The following NCK2 variants were observed in gnomAD, a reference collection of about 807,000 sequenced individuals.
NCK2 encodes NCK adaptor protein 2, also known as cytoplasmic protein NCK2.
Under a neutral mutation model 33.9 loss-of-function variants are expected in NCK2, and 16 were observed. The observed-to-expected ratio is 0.47, with a 90% CI of 0.32 to 0.72. The LOEUF is 0.72. Among genes scored for constraint, NCK2 ranks in the 30% least tolerant of loss-of-function variants. NCK2 has a pLI of 0.03. For missense variants in NCK2, 418 were observed against 537.3 expected, an observed-to-expected ratio of 0.78 and a Z score of 2.19; for synonymous variants, 273 against 239.9, an observed-to-expected ratio of 1.14 and a Z score of -1.27.
intron 1 of NCK2, among the ~76,000 whole-genome samples, chr2:105,749,938 G>A (rs1214759575): frequency 2.6e-5 from 4 of 151,940 alleles, no homozygotes; most frequent in Non-Finnish European, 5.9e-5. Flanking sequence ...GCTGAGTCAC[G>A]CGAATTGCTT....
chr2:105,795,173 A>G (rs1396237938), intron 1 of NCK2, among the ~76,000 whole-genome samples: 2 of 152,252 alleles, frequency 1.3e-5, no homozygotes, highest in African/African-American at 4.8e-5. Context: ...CCAATCACCC[A>G]AAGTCCAGGG....
Position 105,881,401 on chromosome 2 carries a change from C to G in NCK2, c.300C>G (p.Pro100=), listed in dbSNP as rs1225646166. 1.2e-6 allele frequency: 2 copies of G among 1,612,282 alleles called. No individual in the cohort carries two copies. The highest frequency in any genetic ancestry group is 1.3e-5 in the African/African-American group (1 of 74,936). ...SPTPSTDAEY[P]ANGSGADRIY... ...CGCCCAGCACGGACGCCGAGTACCC[C>G]GCCAATGGCAGCGGCGCCGACCGCA... The change falls in exon 4 of 5, where the codon CCC becomes CCG. Residue 100 remains proline, a synonymous_variant. Coordinates refer to ENST00000233154, the MANE Select transcript of NCK2 (RefSeq NM_003581.5).
chr2:105,866,066 C>T (rs1046539661), intron 3 of NCK2, among the ~76,000 whole-genome samples: 19 of 152,108 alleles, frequency 1.2e-4, no homozygotes, highest in Admixed American at 4.6e-4. Context: ...AGGCATGCGC[C>T]GCCACACCCA....
chr2:105,879,666 C>T (rs1327328304), intron 3 of NCK2, among the ~76,000 whole-genome samples: 1 of 152,258 alleles, frequency 6.6e-6, no homozygotes, highest in Non-Finnish European at 1.5e-5. Context: ...TGCCTCCTGG[C>T]GCCGCGTGGG....
intron 2 of NCK2, among the ~76,000 whole-genome samples, chr2:105,818,604 C>A (rs7557976): frequency 0.28 from 43,192 of 151,972 alleles, 6,946 homozygotes; most frequent in South Asian, 0.39. Context: ...AAAGCATAAC[C>A]TAAATTAGTT....
intron 2 of NCK2, among the ~76,000 whole-genome samples, chr2:105,833,732 G>A (rs909918172): frequency 1.3e-5 from 2 of 151,754 alleles, no homozygotes; most frequent in Non-Finnish European, 2.9e-5. Context: ...TTTGGGTTTG[G>A]TTTGTTCTCA....
chr2:105,876,013 G>C (rs894140021), intron 3 of NCK2, among the ~76,000 whole-genome samples: 2 of 151,718 alleles, frequency 1.3e-5, no homozygotes, highest in Non-Finnish European at 2.9e-5. Flanking sequence ...CAAAGATATA[G>C]CAGTTTATAC....
intron 2 of NCK2, chr2:105,851,680 G>C (rs558447797): frequency 6.6e-6 from 1 of 152,334 alleles, no homozygotes; most frequent in Non-Finnish European, 1.5e-5. Flanking sequence ...CAATGGAGCT[G>C]TCATTGATTG....
At chr2:105,752,525 C>T (rs1689483500) in intron 1 of NCK2, among the ~76,000 whole-genome samples, 1 of 152,110 alleles carries the variant, frequency 6.6e-6, no homozygotes, top group Non-Finnish European at 1.5e-5. Context: ...AAAATGTGTT[C>T]AGCACCATAG....
At chr2:105,811,254 G>A (rs931802446) in intron 1 of NCK2, among the ~76,000 whole-genome samples, 8 of 151,950 alleles carry the variant, frequency 5.3e-5, no homozygotes, top group Non-Finnish European at 1.2e-4. Context: ...TTTTGATAAT[G>A]TCCATTCCCA....
intron 1 of NCK2, among the ~76,000 whole-genome samples, chr2:105,762,300 G>T (rs908311072): frequency 2.6e-5 from 4 of 152,180 alleles, no homozygotes; most frequent in Non-Finnish European, 5.9e-5. Flanking sequence ...AAACCAGGGG[G>T]GGTCTAGGTC....
intron 1 of NCK2, among the ~76,000 whole-genome samples, chr2:105,803,838 T>C (rs2104451852): frequency 6.6e-6 from 1 of 152,316 alleles, no homozygotes; most frequent in South Asian, 2.1e-4. Context: ...TAAGTAGGTC[T>C]CAGGTAGGGT....
intron 1 of NCK2, among the ~76,000 whole-genome samples, 172 bp downstream of exon 1, chr2:105,745,310 C>T (rs1340520280): frequency 1.3e-5 from 2 of 151,804 alleles, no homozygotes; most frequent in African/African-American, 4.8e-5. Context: ...TGGGCGCCCC[C>T]GACCGCGGAC....
intron 1 of NCK2, among the ~76,000 whole-genome samples, chr2:105,813,189 T>A (rs1675354152): frequency 1.3e-5 from 2 of 152,200 alleles, no homozygotes; most frequent in Admixed American, 6.5e-5. Context: ...TTCTTGCAGC[T>A]GATGCTAAGG....
intron 3 of NCK2, among the ~76,000 whole-genome samples, chr2:105,879,371 G>A (rs1218725353): frequency 6.6e-6 from 1 of 152,226 alleles, no homozygotes; most frequent in East Asian, 1.9e-4. Context: ...TGGATGGCCT[G>A]CCTTCTGGAT....
At chr2:105,770,643 A>AT (rs1390990973) in intron 1 of NCK2, among the ~76,000 whole-genome samples, 1 of 152,254 alleles carries the variant, frequency 6.6e-6, no homozygotes, top group African/African-American at 2.4e-5. Context: ...TTCGGATTTG[A>AT]TTCTTGTGTG....
At chr2:105,804,870 G>C (rs1674972239) in intron 1 of NCK2, among the ~76,000 whole-genome samples, 1 of 152,220 alleles carries the variant, frequency 6.6e-6, no homozygotes, top group Non-Finnish European at 1.5e-5. Context: ...GTGTGTCTTA[G>C]ATTGCAAACT....
At chr2:105,769,555 G>A (rs2104376211) in intron 1 of NCK2, among the ~76,000 whole-genome samples, 1 of 152,348 alleles carries the variant, frequency 6.6e-6, no homozygotes, top group South Asian at 2.1e-4. Flanking sequence ...CTCCACAGTA[G>A]AAGTTAGGCA....
intron 2 of NCK2, among the ~76,000 whole-genome samples, chr2:105,853,398 T>G (rs1020814770): frequency 6.6e-6 from 1 of 152,228 alleles, no homozygotes; most frequent in African/African-American, 2.4e-5. Context: ...AAACTTTTCA[T>G]TTTGGAAAAA....
Sources: allele counts gnomAD v4.1 joint callset (sites outside exome capture counted in the v4.1 genomes callset), GRCh38; gene constraint gnomAD v4.1.1; transcripts MANE v1.5; gene names NCBI Gene and HGNC (gene_info 2026-07-23, HGNC 2026-07-21).